Variants in NEB observed in about 807,000 individuals in gnomAD.
NEB encodes nebulin.
NEB carries 512 observed loss-of-function variants against 952.2 expected under a neutral mutation model. The ratio of observed to expected loss-of-function variants is 0.54; its 90% CI spans 0.50 to 0.58. NEB has a LOEUF of 0.58. Ranked by LOEUF, NEB falls within the 20% of genes least tolerant of loss-of-function variation. The pLI, the probability that NEB is intolerant of heterozygous loss-of-function variation, is 0.00. For synonymous variants in NEB, 2,900 were observed against 3,149.8 expected, an observed-to-expected ratio of 0.92 and a Z score of 2.66; for missense variants, 8,428 against 9,231.1, an observed-to-expected ratio of 0.91 and a Z score of 3.56.
chr2:151,633,887 T>A lies in NEB; in HGVS notation c.9181A>T (p.Met3061Leu), dbSNP rs143473183. 436 of 1,613,996 alleles carry A rather than the reference T, an allele frequency of 2.7e-4. 1 individual carries two copies. The African/African-American group carries it at 5.1e-3, about 19-fold the overall frequency. ...ATCTTGGCTACGTGCATGGACCACA[T>A]CATCTTGGGGTCATCTTCAATGTTC... Reference protein sequence around the residue: ...ARNIEDDPKMMWSMHVAKIQS... With the variant: ...ARNIEDDPKMLWSMHVAKIQS... The change falls in exon 65 of 182, where the codon ATG becomes TTG. Residue 3061 changes from methionine (M) to leucine (L), a missense_variant. Met to Leu is a conservative substitution (Grantham distance 15, BLOSUM62 2). Transcript: ENST00000397345.
chr2:151,652,932 G>A (rs1161652254), intron 52 of NEB, among the ~76,000 whole-genome samples: 1 of 152,070 alleles, frequency 6.6e-6, no homozygotes, highest in African/African-American at 2.4e-5. Flanking sequence ...ATTGCTTTAG[G>A]CTTATCACCT....
chr2:151,490,609 C>A, intron 179 of NEB, 91 bp from the exon 180 acceptor site: 2 of 1,453,052 alleles, frequency 1.4e-6, no homozygotes, highest in Non-Finnish European at 1.9e-6. Context: ...TTATTGTTAT[C>A]TTTGCCAAGC....
intron 181 of NEB, among the ~76,000 whole-genome samples, chr2:151,489,228 C>T (rs2053985741): frequency 6.6e-6 from 1 of 152,094 alleles, no homozygotes; most frequent in Non-Finnish European, 1.5e-5. Context: ...TCATATCAAT[C>T]CTAAAGTATT....
At chr2:151,697,769 AAAAACTGAC>A in intron 13 of NEB, 121 bp from the exon 14 acceptor site, 1 of 709,866 alleles carries the variant, frequency 1.4e-6, no homozygotes. Context: ...CAACTGTCTT[AAAAACTGAC>A]AATTGAGGCC....
intron 144 of NEB, among the ~76,000 whole-genome samples, chr2:151,531,308 C>CTTTTTTTTTTT (rs1159075000): frequency 2.4e-5 from 2 of 84,010 alleles, no homozygotes; most frequent in Non-Finnish European, 2.2e-5. Context: ...TTTTTTCTTT[C>CTTTTTTTTTTT]TTTTTTTTTT....
chr2:151,632,624 C>T (rs1443130909), intron 65 of NEB, among the ~76,000 whole-genome samples: 2 of 148,416 alleles, frequency 1.3e-5, no homozygotes, highest in Non-Finnish European at 3.0e-5. Flanking sequence ...TGCAGTAATC[C>T]GAGATCGCGC....
chr2:151,615,448 C>G (rs541355005), intron 76 of NEB, among the ~76,000 whole-genome samples: 2 of 152,304 alleles, frequency 1.3e-5, no homozygotes, highest in East Asian at 3.9e-4. Context: ...CAAGCGGGTA[C>G]TGAGAAAAAG....
intron 75 of NEB, 74 bp downstream of exon 75, chr2:151,617,290 C>G: frequency 9.6e-7 from 1 of 1,037,944 alleles, no homozygotes; most frequent in Non-Finnish European, 1.4e-6. Flanking sequence ...TTAGTCAAAA[C>G]CTTTTCCTAA....
rs563085264 is a variant in NEB at position 151,733,805 on chromosome 2, A to T, written c.-113-10T>A. ...TAGCTCTCGTTCAAACCTGAAAAATAACAAAGTTGTAAAGCATTGATTGAG... is the reference window on the plus strand; with the variant it reads ...TAGCTCTCGTTCAAACCTGAAAAATTACAAAGTTGTAAAGCATTGATTGAG... On this transcript the variant is annotated splice_polypyrimidine_tract_variant and intron_variant, in intron 1 of 181. Coordinates refer to ENST00000397345, the MANE Select transcript of NEB (RefSeq NM_001164508.2). The T allele has an allele frequency of 3.9e-5, 6 of 152,348 alleles. No individual in the cohort carries two copies. In the South Asian group the frequency reaches 6.2e-4, roughly 16 times the overall value. The allele number at this position is 152,348 out of a possible 1,614,324, so 9.4% of individuals were successfully genotyped here. A position where few individuals can be genotyped will look rare whatever the true frequency, so the allele number is the denominator to read the frequency against.
chr2:151,493,859 G>A lies in NEB; in HGVS notation c.24588C>T (p.Tyr8196=). The change falls in exon 175 of 182, where the codon TAC becomes TAT. Residue 8196 remains tyrosine, a synonymous_variant. Coordinates refer to ENST00000397345, the MANE Select transcript of NEB (RefSeq NM_001164508.2). ...RNQENISSVL[Y]KENLGKATPT... ...GGGTTGCTTTCCCCAGGTTCTCTTT[G>A]TATAACACCTGTGAGATACAAAGTC... 1.3e-6 allele frequency: 2 copies of A among 1,557,376 alleles called. No individual in the cohort carries two copies. Among genetic ancestry groups the A allele is most frequent in the Non-Finnish European group, 1.7e-6 (2 of 1,149,262 alleles).
intron 77 of NEB, among the ~76,000 whole-genome samples, chr2:151,613,869 C>T (rs1483851986): frequency 6.6e-6 from 1 of 152,198 alleles, no homozygotes; most frequent in African/African-American, 2.4e-5. Context: ...TGCTCTGGTA[C>T]AGCCCATGGA....
rs138713770 is a variant in NEB at position 151,714,222 on chromosome 2, C to T, written c.822+3194G>A. On this transcript the variant is annotated intron_variant, in intron 10 of 181. Coordinates refer to ENST00000397345, the MANE Select transcript of NEB (RefSeq NM_001164508.2). ...AGAAGAAAACAATTCCCTCTGACCC[C>T]TTCCCTGAGTTTTCAACTGAACCTA... Among the ~76,000 whole-genome samples, 154 of 152,300 alleles carry T rather than the reference C, an allele frequency of 1.0e-3. 1 individual carries two copies. Among genetic ancestry groups the T allele is most frequent in the African/African-American group, 3.4e-3 (142 of 41,554 alleles).
intron 23 of NEB, 85 bp downstream of exon 23, chr2:151,691,779 T>C: frequency 9.9e-7 from 1 of 1,009,016 alleles, no homozygotes; most frequent in Non-Finnish European, 1.5e-6. Context: ...CACTAGATAT[T>C]AGCATGTAAA....
At position 151,619,468 on chromosome 2, in the gene NEB, A is replaced by C. The variant is rs1173679231; in HGVS notation, c.10855T>G (p.Tyr3619Asp). The C allele has an allele frequency of 6.2e-7, 1 of 1,607,230 alleles. No homozygotes were observed. Among genetic ancestry groups the C allele is most frequent in the East Asian group, 2.2e-5 (1 of 44,748 alleles). ...QNDIIHARKA[Y>D]DLQSDNLYKS... ...AAACTTACGTCACTCTGGAGGTCAT[A>C]GGCTTTCCGTGCATGAATGATGTCA... is the stretch of plus-strand genomic sequence containing the variant. Residue 3619 changes from tyrosine (Y) to aspartate (D), a missense_variant, in exon 73 of 182, where the codon TAT becomes GAT. By Grantham distance (160) the Tyr-to-Asp change is radical (BLOSUM62 -3). This residue lies in a region of NEB where 1,772 missense variants were observed against 1,960.3 expected (regional missense o/e 0.90). Coordinates refer to ENST00000397345, the MANE Select transcript of NEB (RefSeq NM_001164508.2).
rs756852826 is a variant in NEB, at chr2:151,666,407, T to A, written c.4720-6A>T. 1.9e-6 allele frequency: 3 copies of A among 1,609,544 alleles called. No individual in the cohort carries two copies. In the South Asian group the frequency reaches 3.3e-5, roughly 18 times the overall value. ...TAGGCCTCCTTATATTTGCACTATTTGAAAACAAAGGGCAAACAGAAGTTG... is the reference window on the plus strand; with the variant it reads ...TAGGCCTCCTTATATTTGCACTATTAGAAAACAAAGGGCAAACAGAAGTTG... On this transcript the variant is annotated splice_region_variant and splice_polypyrimidine_tract_variant and intron_variant, in intron 40 of 181. Coordinates refer to ENST00000397345, the MANE Select transcript of NEB (RefSeq NM_001164508.2).
chr2:151,508,756 G>A (rs535953574), intron 161 of NEB, among the ~76,000 whole-genome samples: 1 of 152,356 alleles, frequency 6.6e-6, no homozygotes, highest in East Asian at 1.9e-4. Context: ...GACTGGCCAA[G>A]GACTGCTCTG....
intron 23 of NEB, 122 bp from the exon 24 acceptor site, chr2:151,690,947 G>A (rs1008744179): frequency 2.4e-5 from 17 of 695,788 alleles, no homozygotes; most frequent in African/African-American, 7.1e-5. Context: ...TAGTTGATGC[G>A]TTTATATTCT....
In NEB at chr2:151,496,306, T is replaced by A; in HGVS notation, c.24456A>T (p.Arg8152=). The change falls in exon 173 of 182, where the codon CGA becomes CGT. Residue 8152 remains arginine, a synonymous_variant. Transcript: ENST00000397345. ...TAATATTTTCTTGATTGTGTTTGAC[T>A]CGCTCCATCTCGGGAGTGACAGCTA... ...TPLAVTPEME[R]VKHNQENISS... The A allele has an allele frequency of 6.2e-7, 1 of 1,611,906 alleles. No homozygotes were observed. Among genetic ancestry groups the A allele is most frequent in the Non-Finnish European group, 8.5e-7 (1 of 1,178,690 alleles).
In NEB at chr2:151,503,358, G is replaced by T; in HGVS notation, c.23826C>A (p.Asn7942Lys). 1 of 1,608,766 alleles carries T rather than the reference G, an allele frequency of 6.2e-7. No individual in the cohort carries two copies. The highest frequency in any genetic ancestry group is 1.7e-4 in the Middle Eastern group (1 of 5,904). ...ATATATTTGTAAATACCGAGCTAAA[G>T]TTCTCTTGATTGCGTTTGACTCTCT... ...EIERVKRNQE[N>K]FSSVLYKENL... The change falls in exon 166 of 182, where the codon AAC (asparagine) becomes AAA (lysine). Residue 7942 changes from asparagine to lysine, a missense_variant. Physicochemically the swap from Asn to Lys is moderately conservative, Grantham distance 94. Transcript: ENST00000397345.
Sources: gnomAD v4.1 joint callset for allele counts (sites outside exome capture counted in the v4.1 genomes callset) on GRCh38, gnomAD v4.1.1 for gene constraint, gnomAD v4.1.1 regional missense constraint, MANE v1.5 for transcripts, NCBI Gene and HGNC (gene_info 2026-07-23, HGNC 2026-07-21) for gene names.